TMEM17: variants seen among roughly 807,000 people sequenced by gnomAD.
TMEM17 encodes transmembrane protein 17.
A neutral mutation model predicts 19.1 loss-of-function variants in TMEM17; 15 were observed. The observed-to-expected ratio is 0.78, with a 90% CI of 0.52 to 1.21. The LOEUF (loss-of-function observed/expected upper bound fraction) is 1.21, where lower values mean the gene tolerates loss of function less well. Among genes scored for constraint, TMEM17 ranks in the 50% most tolerant of loss-of-function variants. The pLI, the probability that TMEM17 is intolerant of heterozygous loss-of-function variation, is 0.00. For missense variants in TMEM17, 245 were observed against 242.3 expected, an observed-to-expected ratio of 1.01 and a Z score of -0.07; for synonymous variants, 103 against 86.9, an observed-to-expected ratio of 1.19 and a Z score of -1.03.
At chr2:62,461,336 C>G in the TMEM17 span, among the ~76,000 whole-genome samples, 1 of 152,184 alleles carries the variant, frequency 6.6e-6, no homozygotes, top group Non-Finnish European at 1.5e-5. Flanking sequence ...ACAGATAGTG[C>G]AGCTTGCCCT....
rs1462315128 is a variant in TMEM17, at chr2:62,502,419, A to T, written c.318+18T>A. The stretch of plus-strand genomic sequence containing the variant: ...TTCATTTATATCTATCACTGAGAGA[A>T]AGGAAAAAAGAGCTTACCTTCTCCT... On this transcript the variant is annotated intron_variant, in intron 3 of 3. Coordinates refer to ENST00000335390, the MANE Select transcript of TMEM17 (RefSeq NM_198276.3). 6.6e-7 allele frequency: 1 copy of T among 1,508,582 alleles called. No individual in the cohort carries two copies. Among genetic ancestry groups the T allele is most frequent in the African/African-American group, 1.4e-5 (1 of 72,156 alleles). The allele number at this position is 1,508,582 out of a possible 1,614,324, so 93.4% of individuals were successfully genotyped here.
the TMEM17 span, among the ~76,000 whole-genome samples, chr2:62,476,890 A>C: frequency 4.0e-3 from 605 of 152,336 alleles, 2 homozygotes; most frequent in South Asian, 9.1e-3. Flanking sequence ...TTGGGGTTAC[A>C]GAAGAATGTT....
At chr2:62,488,022 C>T in the TMEM17 span, among the ~76,000 whole-genome samples, 1 of 152,134 alleles carries the variant, frequency 6.6e-6, no homozygotes, top group African/African-American at 2.4e-5. Context: ...AGAGGTGGAA[C>T]GGAGTTAAGC....
At chr2:62,479,902 A>G in the TMEM17 span, among the ~76,000 whole-genome samples, 1 of 151,544 alleles carries the variant, frequency 6.6e-6, no homozygotes, top group African/African-American at 2.4e-5. Context: ...AAAAAAAAAA[A>G]AAAAAAAAAA....
chr2:62,474,565 A>T, the TMEM17 span, among the ~76,000 whole-genome samples: 1 of 152,216 alleles, frequency 6.6e-6, no homozygotes, highest in Non-Finnish European at 1.5e-5. Flanking sequence ...GGACTAGATA[A>T]TGAACACCTA....
At chr2:62,454,796 T>C in the TMEM17 span, among the ~76,000 whole-genome samples, 6 of 152,114 alleles carry the variant, frequency 3.9e-5, no homozygotes, top group South Asian at 2.1e-4. Context: ...CTCCGCCTCC[T>C]GGGTTCACGC....
the TMEM17 span, among the ~76,000 whole-genome samples, chr2:62,489,478 G>A: frequency 1.4e-4 from 22 of 152,162 alleles, no homozygotes; most frequent in African/African-American, 3.1e-4. Flanking sequence ...TGTATCCTGC[G>A]ATTGGAGTAG....
intron 1 of TMEM17, among the ~76,000 whole-genome samples, chr2:62,504,289 C>T (rs1680006394): frequency 6.6e-6 from 1 of 152,208 alleles, no homozygotes; most frequent in African/African-American, 2.4e-5. Flanking sequence ...CTGAAGACAA[C>T]TCACCAGCCT....
the TMEM17 span, among the ~76,000 whole-genome samples, chr2:62,481,008 T>C: frequency 1.3e-5 from 2 of 152,202 alleles, no homozygotes; most frequent in African/African-American, 4.8e-5. Context: ...CTTGGAGTAG[T>C]ATGGTCATTT....
downstream of TMEM17, among the ~76,000 whole-genome samples, chr2:62,499,014 C>CA (rs1202132111): frequency 2.0e-5 from 3 of 152,190 alleles, no homozygotes; most frequent in South Asian, 2.1e-4. Context: ...CAGCCTAACA[C>CA]AAAAAACCAT....
At chr2:62,478,274 G>A in the TMEM17 span, among the ~76,000 whole-genome samples, 4 of 152,212 alleles carry the variant, frequency 2.6e-5, no homozygotes, top group Non-Finnish European at 5.9e-5. Flanking sequence ...CTCAGTTCAT[G>A]TGACAGGATG....
In TMEM17 at chr2:62,506,034, A is replaced by G. The variant is rs1206002531; in HGVS notation, c.96T>C (p.Gly32=). 6.2e-7 allele frequency: 1 copy of G among 1,609,216 alleles called. No individual in the cohort carries two copies. The highest frequency in any genetic ancestry group is 1.3e-5 in the African/African-American group (1 of 74,508). The change falls in exon 1 of 4, where the codon GGT becomes GGC. Residue 32 remains glycine, a synonymous_variant. Coordinates refer to ENST00000335390, the MANE Select transcript of TMEM17 (RefSeq NM_198276.3). ...SNRTGPESNE[G]PENEMVSSLA... is the part of the protein sequence containing the mutation. ...CACCGGGCCTCGGTCACTCACCCGGACCCTCATTGGACTCTGGACCGGTCC... is the reference window on the plus strand; with the variant it reads ...CACCGGGCCTCGGTCACTCACCCGGGCCCTCATTGGACTCTGGACCGGTCC...
the TMEM17 span, among the ~76,000 whole-genome samples, chr2:62,479,187 A>G: frequency 6.6e-6 from 1 of 152,182 alleles, no homozygotes; most frequent in South Asian, 2.1e-4. Context: ...GTAATTTTGT[A>G]TCCTTTAACA....
the TMEM17 span, among the ~76,000 whole-genome samples, chr2:62,488,419 A>G: frequency 6.6e-6 from 1 of 152,052 alleles, no homozygotes; most frequent in Admixed American, 6.6e-5. Context: ...ATTTTCCATG[A>G]AGGAGGAGTA....
At chr2:62,468,440 A>G in the TMEM17 span, among the ~76,000 whole-genome samples, 6 of 152,344 alleles carry the variant, frequency 3.9e-5, no homozygotes, top group Admixed American at 3.9e-4. Flanking sequence ...AGGGACAGTC[A>G]TCTTTGGCCC....
the TMEM17 span, among the ~76,000 whole-genome samples, chr2:62,486,647 G>A: frequency 2.0e-5 from 3 of 152,210 alleles, no homozygotes; most frequent in Non-Finnish European, 4.4e-5. Context: ...AAGCCTGGAG[G>A]AGACTGAAAA....
chr2:62,460,475 A>G, the TMEM17 span, among the ~76,000 whole-genome samples: 13 of 152,216 alleles, frequency 8.5e-5, no homozygotes, highest in Admixed American at 5.2e-4. Flanking sequence ...ACTCTCACCC[A>G]CAAACCTTTT....
At chr2:62,484,136 T>G in the TMEM17 span, among the ~76,000 whole-genome samples, 1 of 152,258 alleles carries the variant, frequency 6.6e-6, no homozygotes, top group Admixed American at 6.5e-5. Flanking sequence ...TTTCAAAGTT[T>G]CATTTCCCAA....
At chr2:62,465,596 TA>T in the TMEM17 span, among the ~76,000 whole-genome samples, 776 of 144,386 alleles carry the variant, frequency 5.4e-3, no homozygotes, top group Non-Finnish European at 6.8e-3. Context: ...TTGTCTATAT[TA>T]AAAAAAAAAA....
Sources: gnomAD v4.1 joint callset for allele counts (sites outside exome capture counted in the v4.1 genomes callset) on GRCh38, gnomAD v4.1.1 for gene constraint, MANE v1.5 for transcripts, NCBI Gene and HGNC (gene_info 2026-07-23, HGNC 2026-07-21) for gene names.